Variants in ZFR observed in about 807,000 individuals in gnomAD.
ZFR encodes zinc finger RNA-binding protein.
ZFR carries 19 observed loss-of-function variants against 130.7 expected under a neutral mutation model. The observed-to-expected ratio is 0.15, with a 90% CI of 0.10 to 0.21. ZFR has a LOEUF of 0.21. Ranked by LOEUF, ZFR falls within the 10% of genes least tolerant of loss-of-function variation. The pLI, the probability that ZFR is intolerant of heterozygous loss-of-function variation, is 1.00. For missense variants in ZFR, 872 were observed against 1,321.5 expected (o/e 0.66, Z 5.27); for synonymous variants, 466 against 456.9 (o/e 1.02, Z -0.25).
intron 2 of ZFR, among the ~76,000 whole-genome samples, chr5:32,426,130 G>A (rs561233703): frequency 2.9e-4 from 44 of 152,286 alleles, no homozygotes; most frequent in African/African-American, 1.0e-3. Flanking sequence ...GCAGAAAATT[G>A]TTTAATCTAA....
intron 17 of ZFR, among the ~76,000 whole-genome samples, chr5:32,372,964 T>C (rs1752710040): frequency 1.3e-5 from 2 of 152,186 alleles, no homozygotes; most frequent in African/African-American, 2.4e-5. Flanking sequence ...AAATTGAACA[T>C]ATATTAGGCA....
At chr5:32,412,906 C>T (rs748067629) in intron 5 of ZFR, among the ~76,000 whole-genome samples, 8 of 152,038 alleles carry the variant, frequency 5.3e-5, no homozygotes, top group East Asian at 3.9e-4. Flanking sequence ...TTTTCTGGGG[C>T]GGGCACGGTG....
intron 19 of ZFR, among the ~76,000 whole-genome samples, chr5:32,358,125 AG>A (rs1752350329): frequency 6.6e-6 from 1 of 152,220 alleles, no homozygotes; most frequent in Non-Finnish European, 1.5e-5. Context: ...TGGAAGGCCA[AG>A]GTGGAAGGAT....
At chr5:32,383,616 C>A (rs1000624633) in intron 15 of ZFR, 3 of 337,968 alleles carry the variant, frequency 8.9e-6, no homozygotes, top group Admixed American at 3.7e-5. Flanking sequence ...CCACACAATG[C>A]GCAAGTAGTA....
chr5:32,422,615 A>T (rs1425528465), intron 2 of ZFR, among the ~76,000 whole-genome samples: 5 of 151,748 alleles, frequency 3.3e-5, no homozygotes, highest in African/African-American at 1.2e-4. Context: ...TGGGCAACGT[A>T]GAAAGACCAC....
chr5:32,388,531 C>T lies in ZFR; in HGVS notation c.2286G>A (p.Leu762=). The T allele has an allele frequency of 6.2e-7, 1 of 1,614,016 alleles. No homozygotes were observed. Among genetic ancestry groups the T allele is most frequent in the Middle Eastern group, 1.7e-4 (1 of 6,060 alleles). ...TGTTCTTGTTCTTCTCATGTTCAGACAAACTGTCTGAAACGAGTTTTAAAG... is the reference window on the plus strand; with the variant it reads ...TGTTCTTGTTCTTCTCATGTTCAGATAAACTGTCTGAAACGAGTTTTAAAG... ...ERALKLVSDS[L]SEHEKNKNKE... The change falls in exon 13 of 20, where the codon TTG becomes TTA. Residue 762 remains leucine, a synonymous_variant. Transcript: ENST00000265069.
intron 5 of ZFR, among the ~76,000 whole-genome samples, chr5:32,413,603 A>G (rs1400040763): frequency 1.3e-5 from 2 of 152,160 alleles, no homozygotes; most frequent in Non-Finnish European, 2.9e-5. Context: ...GGAAGCACAT[A>G]TAAGAGAGAA....
In ZFR at chr5:32,405,988, G is replaced by C. The variant is rs574327230; in HGVS notation, c.1032+786C>G. ...AAATGAGAGATGGATATAACTTGGA[G>C]AAGCTAGTAGAGAGTCAAAATTGGT... is the stretch of plus-strand genomic sequence containing the variant. On this transcript the variant is annotated intron_variant, in intron 6 of 19. Transcript: ENST00000265069. 9.8e-5 allele frequency among the ~76,000 whole-genome samples: 15 copies of C among 152,318 alleles called. No individual in the cohort carries two copies. The East Asian group carries it at 2.9e-3, about 29-fold the overall frequency.
chr5:32,415,221 G>T, intron 4 of ZFR, 34 bp from the exon 5 acceptor site: 1 of 1,584,156 alleles, frequency 6.3e-7, no homozygotes, highest in Non-Finnish European at 8.6e-7. Context: ...AAAATTAGAA[G>T]AGTAAGCCAC....
chr5:32,375,429 T>C (rs984670666), intron 17 of ZFR, among the ~76,000 whole-genome samples: 2 of 152,222 alleles, frequency 1.3e-5, no homozygotes, highest in African/African-American at 2.4e-5. Flanking sequence ...TTTTATTCCG[T>C]ATTTGTTACT....
At chr5:32,357,380 C>T (rs1488316785) in intron 19 of ZFR, among the ~76,000 whole-genome samples, 3 of 152,170 alleles carry the variant, frequency 2.0e-5, no homozygotes, top group African/African-American at 7.2e-5. Flanking sequence ...ATTCTCCTGC[C>T]TCAGCCTCCA....
chr5:32,380,069 C>G lies in ZFR; in HGVS notation c.2739+6G>C. The G allele has an allele frequency of 6.2e-7, 1 of 1,612,558 alleles. No homozygotes were observed. The highest frequency in any genetic ancestry group is 8.5e-7 in the Non-Finnish European group (1 of 1,178,796). On this transcript the variant is annotated splice_donor_region_variant and intron_variant, in intron 16 of 19. Transcript: ENST00000265069. ...TACAAGAAAAAAGTAAAATGATGTT[C>G]CGAACCTGGAACCACTTAGCGTGGC...
In ZFR at chr5:32,395,178, G is replaced by A. The variant is rs1433084139; in HGVS notation, c.1960C>T (p.Arg654Cys). 1.2e-6 allele frequency: 2 copies of A among 1,600,662 alleles called. No individual in the cohort carries two copies. The highest frequency in any genetic ancestry group is 1.7e-4 in the Middle Eastern group (1 of 6,002). Residue 654 changes from arginine (R) to cysteine (C), a missense_variant, in exon 11 of 20, where the codon CGT becomes TGT. Arg to Cys is a radical substitution (Grantham distance 180). Transcript: ENST00000265069. ...TATTACCTCATTTCCATTCTCCAACGCTCCTCTTCTTCTCGTCTTCGCCAG... is the reference window on the plus strand; with the variant it reads ...TATTACCTCATTTCCATTCTCCAACACTCCTCTTCTTCTCGTCTTCGCCAG... ...EYWRRREEEERWRMEMRRYEE... is the reference protein window; with the variant it reads ...EYWRRREEEECWRMEMRRYEE...
chr5:32,391,947 T>C (rs113814516), intron 11 of ZFR, among the ~76,000 whole-genome samples: 2,807 of 152,208 alleles, frequency 0.018, 86 homozygotes, highest in African/African-American at 0.065. Context: ...TTGCCTAGGC[T>C]GGTCTCAAAC....
At chr5:32,410,079 TG>T in intron 5 of ZFR, among the ~76,000 whole-genome samples, 1 of 152,254 alleles carries the variant, frequency 6.6e-6, no homozygotes, top group African/African-American at 2.4e-5. Flanking sequence ...GTCAGGCTCG[TG>T]GAACACTTGA....
At chr5:32,424,856 T>C (rs1308803368) in intron 2 of ZFR, among the ~76,000 whole-genome samples, 1 of 152,208 alleles carries the variant, frequency 6.6e-6, no homozygotes, top group African/African-American at 2.4e-5. Flanking sequence ...TTACAGAATA[T>C]AATGTAAACG....
chr5:32,355,676 T>C lies in ZFR; in HGVS notation c.*84A>G. The C allele has an allele frequency of 7.9e-7, 1 of 1,263,372 alleles. No homozygotes were observed. The highest frequency in any genetic ancestry group is 1.1e-6 in the Non-Finnish European group (1 of 932,658). The allele number at this position is 1,263,372 out of a possible 1,614,324, so 78.3% of individuals were successfully genotyped here. A position where few individuals can be genotyped will look rare whatever the true frequency, so the allele number is the denominator to read the frequency against. On this transcript the variant is annotated 3_prime_UTR_variant, in exon 20 of 20. Transcript: ENST00000265069. ...AAATCCTTTAAATTCTTGATAAATTTTTCAATGTAGACATTATTATGAATG... is the reference window on the plus strand; with the variant it reads ...AAATCCTTTAAATTCTTGATAAATTCTTCAATGTAGACATTATTATGAATG...
chr5:32,413,223 C>G (rs111652452), intron 5 of ZFR, among the ~76,000 whole-genome samples: 1 of 137,610 alleles, frequency 7.3e-6, no homozygotes, highest in Non-Finnish European at 1.6e-5. Context: ...AAACAAAAAA[C>G]AAAACAAAAC....
rs1441221123 is a variant in ZFR, at chr5:32,380,722, C to T, written c.2642-550G>A. ...CAGGCTGGAGTGCACGATCTCAGAT[C>T]ACTGCAACCTCGGCCTCCTGGGTTC... On this transcript the variant is annotated intron_variant, in intron 15 of 19. Coordinates refer to ENST00000265069, the MANE Select transcript of ZFR (RefSeq NM_016107.5). Among the ~76,000 whole-genome samples, 13 of 135,082 alleles carry T rather than the reference C, an allele frequency of 9.6e-5. No homozygotes were observed. In the Admixed American group the frequency reaches 1.1e-3, roughly 11 times the overall value. 88.6% of individuals were successfully genotyped at this position (135,082 alleles called of 152,430 possible).
Sources: allele counts gnomAD v4.1 joint callset (sites outside exome capture counted in the v4.1 genomes callset), GRCh38; gene constraint gnomAD v4.1.1; transcripts MANE v1.5; gene names NCBI Gene and HGNC (gene_info 2026-07-23, HGNC 2026-07-21).